The following MARK4 variants were observed in gnomAD, a reference collection of about 807,000 sequenced individuals.
The protein encoded by MARK4 is microtubule affinity regulating kinase 4, also known as MAP/microtubule affinity-regulating kinase 4.
MARK4 carries 19 observed loss-of-function variants against 81.5 expected under a neutral mutation model. That is an observed-to-expected ratio of 0.23 (90% CI 0.16 to 0.34). The LOEUF (loss-of-function observed/expected upper bound fraction) is 0.34. Among genes scored for constraint, MARK4 ranks in the 10% least tolerant of loss-of-function variants. MARK4 has a pLI of 1.00. For missense variants in MARK4, 772 were observed against 1,058.8 expected (o/e 0.73, Z 3.76); for synonymous variants, 436 against 439.0 (o/e 0.99, Z 0.08).
chr19:45,263,429 G>C, intron 4 of MARK4, 62 bp downstream of exon 4: 1 of 1,602,554 alleles, frequency 6.2e-7, no homozygotes, highest in African/African-American at 1.3e-5. Context: ...GGAGTTGGGG[G>C]TGGTGGCAGT....
intron 13 of MARK4, 54 bp downstream of exon 13, chr19:45,287,718 C>T: frequency 6.4e-7 from 1 of 1,555,500 alleles, no homozygotes; most frequent in Non-Finnish European, 8.7e-7. Context: ...GGCCACATTC[C>T]TCAGGCCCTG....
At chr19:45,294,315 C>T (rs779608187) in intron 13 of MARK4, 34 bp from the exon 14 acceptor site, 1 of 1,597,100 alleles carries the variant, frequency 6.3e-7, no homozygotes, top group South Asian at 1.1e-5. Flanking sequence ...ATGTCTTCAC[C>T]CCCTCACTCC....
At chr19:45,269,524 A>G (rs1487752822) in intron 7 of MARK4, among the ~76,000 whole-genome samples, 1 of 152,164 alleles carries the variant, frequency 6.6e-6, no homozygotes, top group African/African-American at 2.4e-5. Flanking sequence ...GAAATAAACC[A>G]GGAGACATAG....
chr19:45,251,444 C>T lies in MARK4; in HGVS notation c.-145C>T. 1 of 508,402 alleles carries T rather than the reference C, an allele frequency of 2.0e-6. No individual in the cohort carries two copies. The highest frequency in any genetic ancestry group is 2.8e-5 in the South Asian group (1 of 35,974). The allele number at this position is 508,402 out of a possible 1,614,324, so 31.5% of individuals were successfully genotyped here. A position where few individuals can be genotyped will look rare whatever the true frequency, so the allele number is the denominator to read the frequency against. On this transcript the variant is annotated 5_prime_UTR_variant, in exon 1 of 17. Coordinates refer to ENST00000262891, the MANE Select transcript of MARK4 (RefSeq NM_001199867.2). ...CTTCCCCTCCCCCGCCCTGCCCCCT[C>T]TCCCGCCGCGCGGACCCGGGCGTTC...
Position 45,297,845 on chromosome 19 carries a change from G to A in MARK4, c.1768G>A (p.Gly590Arg). The change falls in exon 15 of 17, where the codon GGG becomes AGG. Residue 590 changes from glycine to arginine, a missense_variant. Physicochemically the swap from Gly to Arg is moderately radical, Grantham distance 125 (BLOSUM62 -2). Transcript: ENST00000262891. ...TGGGGGTGGTGGGGGTGTGCAGAAT[G>A]GGCCCCCTGCCTCTCCCACACTGGC... ...GGGGGGGVQN[G>R]PPASPTLAHE... 7.8e-6 allele frequency: 12 copies of A among 1,546,660 alleles called. No homozygotes were observed. Among genetic ancestry groups the A allele is most frequent in the Non-Finnish European group, 9.6e-6 (11 of 1,145,058 alleles).
rs765435325 is a variant in MARK4, at chr19:45,266,291, C to A, written c.549+10C>A. The A allele has an allele frequency of 6.2e-7, 1 of 1,613,450 alleles. No homozygotes were observed. The highest frequency in any genetic ancestry group is 1.3e-5 in the African/African-American group (1 of 74,840). The stretch of plus-strand genomic sequence containing the variant: ...ACACAGGGACCTGAAGGTAAGCCCC[C>A]GACCCGCTGTGATCTCAGGGACCAC... On this transcript the variant is annotated intron_variant, in intron 7 of 16. Transcript: ENST00000262891.
Position 45,304,778 on chromosome 19 carries a change from A to C in MARK4, c.*2068A>C, listed in dbSNP as rs1000172585. The C allele has an allele frequency of 2.6e-5, 4 of 152,856 alleles. No homozygotes were observed. Among genetic ancestry groups the C allele is most frequent in the Non-Finnish European group, 5.8e-5 (4 of 68,580 alleles). The allele number at this position is 152,856 out of a possible 1,614,324, so 9.5% of individuals were successfully genotyped here. ...AGGGAGGGCTTCCTGGAGGAGAAGG[A>C]GCCAGCTAGACATGGATAGGAGTGC... is the stretch of plus-strand genomic sequence containing the variant. On this transcript the variant is annotated 3_prime_UTR_variant, in exon 17 of 17. Transcript: ENST00000262891.
Position 45,263,905 on chromosome 19 carries a change from G to C in MARK4, c.355+538G>C, listed in dbSNP as rs147585226. Reference sequence around the variant, plus strand: ...CCAGGTCATTGTGAGGATTGACAAAGATGATGCATCCAAAATGCTTAGTTT... The same window carrying C: ...CCAGGTCATTGTGAGGATTGACAAACATGATGCATCCAAAATGCTTAGTTT... On this transcript the variant is annotated intron_variant, in intron 4 of 16. Coordinates refer to ENST00000262891, the MANE Select transcript of MARK4 (RefSeq NM_001199867.2). Among the ~76,000 whole-genome samples the C allele has an allele frequency of 4.5e-3, 677 of 151,900 alleles. 14 individuals carry two copies. The highest frequency in any genetic ancestry group is 2.6e-3 in the Non-Finnish European group (176 of 67,950).
intron 8 of MARK4, among the ~76,000 whole-genome samples, chr19:45,277,644 C>T (rs557282463): frequency 9.9e-5 from 15 of 152,002 alleles, no homozygotes; most frequent in South Asian, 2.1e-4. Context: ...AGCGATCCTC[C>T]GGTCTTGGCC....
At chr19:45,267,886 C>T (rs1970476386) in intron 7 of MARK4, among the ~76,000 whole-genome samples, 1 of 152,066 alleles carries the variant, frequency 6.6e-6, no homozygotes, top group South Asian at 2.1e-4. Flanking sequence ...GTCTCGAACT[C>T]CTGGGCTCAA....
chr19:45,280,824 CA>C lies in MARK4; in HGVS notation c.1276+91del. The C allele has an allele frequency of 2.6e-6, 4 of 1,536,106 alleles. No individual in the cohort carries two copies. In the South Asian group the frequency reaches 4.8e-5, roughly 18 times the overall value. Reference sequence around the variant, plus strand: ...TCAGGGTTCTCTGATTGGCAAGCAACAGAAACCCACTGGAGCTAACCTCAGA... The same window carrying C: ...TCAGGGTTCTCTGATTGGCAAGCAACGAAACCCACTGGAGCTAACCTCAGA... On this transcript the variant is annotated intron_variant, in intron 12 of 16. Coordinates refer to ENST00000262891, the MANE Select transcript of MARK4 (RefSeq NM_001199867.2).
chr19:45,285,608 G>A (rs1970733024), intron 12 of MARK4, among the ~76,000 whole-genome samples: 1 of 150,388 alleles, frequency 6.6e-6, no homozygotes, highest in Non-Finnish European at 1.5e-5. Context: ...GACAGGGCGT[G>A]CCCAGAAAGT....
intron 2 of MARK4, among the ~76,000 whole-genome samples, chr19:45,262,242 A>G (rs938013219): frequency 2.0e-5 from 3 of 151,330 alleles, no homozygotes; most frequent in African/African-American, 7.3e-5. Context: ...TGGGAGGATC[A>G]CTTGAGCCCA....
chr19:45,264,607 C>T (rs1288971373), intron 4 of MARK4, 77 bp from the exon 5 acceptor site: 1 of 1,403,670 alleles, frequency 7.1e-7, no homozygotes, highest in African/African-American at 1.4e-5. Flanking sequence ...ATGGTTGGCA[C>T]ATTTGCATAG....
At chr19:45,255,623 G>T (rs531196290) in intron 1 of MARK4, among the ~76,000 whole-genome samples, 7 of 151,948 alleles carry the variant, frequency 4.6e-5, no homozygotes, top group South Asian at 4.2e-4. Context: ...GTGGGTCCGG[G>T]TCTCACTTTC....
chr19:45,302,346 T>C lies in MARK4; in HGVS notation c.1923-28T>C, dbSNP rs1307172078. 1.9e-5 allele frequency: 31 copies of C among 1,614,012 alleles called. No homozygotes were observed. Among genetic ancestry groups the C allele is most frequent in the Non-Finnish European group, 2.5e-5 (30 of 1,179,900 alleles). ...CACCACATTCCTCTTCGCTCCCATC[T>C]CTGACCCCTGACATCTTCTCGCCTC... On this transcript the variant is annotated intron_variant, in intron 16 of 16. Transcript: ENST00000262891. This position sits in a 1 kb window ranked among gnomAD's most constrained non-coding sequence, Gnocchi z 4.9.
intron 2 of MARK4, among the ~76,000 whole-genome samples, chr19:45,260,552 C>G (rs1001700204): frequency 4.6e-5 from 7 of 151,624 alleles, no homozygotes; most frequent in Non-Finnish European, 7.4e-5. Context: ...CAAAAATTAG[C>G]TGGGTGTGGT....
At chr19:45,262,651 T>C (rs893016846) in intron 2 of MARK4, among the ~76,000 whole-genome samples, 1 of 152,110 alleles carries the variant, frequency 6.6e-6, no homozygotes, top group Non-Finnish European at 1.5e-5. Flanking sequence ...TAAGGATATT[T>C]CTCTGCAGAA....
In MARK4 at chr19:45,304,136, A is replaced by G. The variant is rs1037891344; in HGVS notation, c.*1426A>G. The stretch of plus-strand genomic sequence containing the variant: ...ATCCAGGCATCAGGCCATTGCATCT[A>G]TTTTTTCAGTGTAAGTTGAATTCTA... On this transcript the variant is annotated 3_prime_UTR_variant, in exon 17 of 17. Transcript: ENST00000262891. 5.3e-5 allele frequency: 8 copies of G among 152,178 alleles called. No individual in the cohort carries two copies. The highest frequency in any genetic ancestry group is 1.9e-4 in the East Asian group (1 of 5,196). 9.4% of individuals were successfully genotyped at this position (152,178 alleles called of 1,614,324 possible). A position where few individuals can be genotyped will look rare whatever the true frequency, so the allele number is the denominator to read the frequency against.
Sources: gnomAD v4.1 joint callset for allele counts (sites outside exome capture counted in the v4.1 genomes callset) on GRCh38, gnomAD v4.1.1 for gene constraint, Gnocchi (gnomAD v3.1) non-coding constraint, MANE v1.5 for transcripts, NCBI Gene and HGNC (gene_info 2026-07-23, HGNC 2026-07-21) for gene names.